GNAL: variants seen among roughly 807,000 people sequenced by gnomAD.
GNAL encodes the protein G protein subunit alpha L.
Under a neutral mutation model 55.1 loss-of-function variants are expected in GNAL, and 18 were observed. The observed-to-expected ratio is 0.33, with a 90% CI of 0.23 to 0.48. The LOEUF (loss-of-function observed/expected upper bound fraction) is 0.48, where lower values mean the gene tolerates loss of function less well. GNAL is among the 20% of genes least tolerant of loss of function. The pLI is 0.99. For missense variants in GNAL, 412 were observed against 614.1 expected, an observed-to-expected ratio of 0.67 and a Z score of 3.48; for synonymous variants, 253 against 237.0, an observed-to-expected ratio of 1.07 and a Z score of -0.62.
At position 11,689,673 on chromosome 18, in the gene GNAL, C is replaced by A; in HGVS notation, c.110C>A (p.Ala37Asp). Reference protein sequence around the residue: ...VEDAQPAPAPALAPVRAAARD... With the variant: ...VEDAQPAPAPDLAPVRAAARD... ...GACGCGCAGCCCGCCCCGGCCCCGGCCCTGGCCCCAGTCCGGGCGGCCGCA... is the reference window on the plus strand; with the variant it reads ...GACGCGCAGCCCGCCCCGGCCCCGGACCTGGCCCCAGTCCGGGCGGCCGCA... Residue 37 changes from alanine (A) to aspartate (D), a missense_variant, in exon 1 of 12, where the codon GCC becomes GAC. Coordinates refer to ENST00000334049, the MANE Select transcript of GNAL (RefSeq NM_182978.4). 6.9e-7 allele frequency: 1 copy of A among 1,452,284 alleles called. No homozygotes were observed. The highest frequency in any genetic ancestry group is 9.0e-7 in the Non-Finnish European group (1 of 1,111,182). The allele number at this position is 1,452,284 out of a possible 1,614,324, so 90.0% of individuals were successfully genotyped here.
intron 1 of GNAL, among the ~76,000 whole-genome samples, chr18:11,725,027 A>C (rs2032182365): frequency 6.6e-6 from 1 of 152,200 alleles, no homozygotes; most frequent in South Asian, 2.1e-4. Context: ...CAGCTTGCAC[A>C]GCAGCCTGGA....
chr18:11,883,363 C>CTGTT lies in GNAL; in HGVS notation c.*2229_*2232dup, dbSNP rs1555618569. The CTGTT allele has an allele frequency of 1.3e-5, 2 of 153,314 alleles. No homozygotes were observed. The highest frequency in any genetic ancestry group is 1.9e-4 in the East Asian group (1 of 5,180). The allele number at this position is 153,314 out of a possible 1,614,324, so 9.5% of individuals were successfully genotyped here. A position where few individuals can be genotyped will look rare whatever the true frequency, so the allele number is the denominator to read the frequency against. On this transcript the variant is annotated 3_prime_UTR_variant, in exon 12 of 12. Transcript: ENST00000334049. The stretch of plus-strand genomic sequence containing the variant: ...ACCCCCAGCAAGAAAGGGAAGTATG[C>CTGTT]TGTTGTATGCATCATTACTCAACAA...
Position 11,696,026 on chromosome 18 carries a change from TAATG to T in GNAL, c.376+6090_376+6093del, listed in dbSNP as rs569167944. On this transcript the variant is annotated intron_variant, in intron 1 of 11. Coordinates refer to ENST00000334049, the MANE Select transcript of GNAL (RefSeq NM_182978.4). ...TTTTTTCCCAAGTAAATGTCTTTCT[TAATG>T]AAGGCAGAAGTGACCAAGGAAAGAC... Among the ~76,000 whole-genome samples the T allele has an allele frequency of 1.5e-3, 234 of 152,296 alleles. 1 individual carries two copies. The highest frequency in any genetic ancestry group is 5.4e-3 in the African/African-American group (226 of 41,574).
At chr18:11,770,243 CTG>C (rs1299047577) in intron 4 of GNAL, among the ~76,000 whole-genome samples, 1 of 151,864 alleles carries the variant, frequency 6.6e-6, no homozygotes, top group Non-Finnish European at 1.5e-5. Context: ...TGAATTCAAA[CTG>C]AGTATGATTT....
Position 11,788,956 on chromosome 18 carries a change from G to GT in GNAL, c.624+35017dup, listed in dbSNP as rs1246239099. 4.2e-4 allele frequency among the ~76,000 whole-genome samples: 53 copies of GT among 125,164 alleles called. 3 individuals are homozygous for GT. Among genetic ancestry groups the GT allele is most frequent in the African/African-American group, 1.5e-3 (49 of 32,884 alleles). 82.1% of individuals were successfully genotyped at this position (125,164 alleles called of 152,430 possible). On this transcript the variant is annotated intron_variant, in intron 4 of 11. Coordinates refer to ENST00000334049, the MANE Select transcript of GNAL (RefSeq NM_182978.4). ...ATATATACACATATATATCAAAAGTGTTTTTTCTTAAAAATAGAATGTGTA... is the reference window on the plus strand; with the variant it reads ...ATATATACACATATATATCAAAAGTGTTTTTTTCTTAAAAATAGAATGTGTA...
intron 4 of GNAL, among the ~76,000 whole-genome samples, chr18:11,763,237 A>T (rs973507801): frequency 6.6e-6 from 1 of 151,974 alleles, no homozygotes; most frequent in Admixed American, 6.6e-5. Flanking sequence ...TCATGCTCTC[A>T]CTCTCTCTAC....
chr18:11,852,206 C>T (rs2035890963), intron 5 of GNAL: 30 of 1,396,610 alleles, frequency 2.1e-5, no homozygotes, highest in Non-Finnish European at 2.7e-5. Flanking sequence ...ACTCTGAACA[C>T]GCCAGAATGC....
intron 1 of GNAL, among the ~76,000 whole-genome samples, chr18:11,705,470 C>G (rs1281432262): frequency 6.6e-6 from 1 of 151,992 alleles, no homozygotes; most frequent in Non-Finnish European, 1.5e-5. Flanking sequence ...GAATATATAC[C>G]CAGAAGTGGG....
chr18:11,717,296 TC>T (rs2031994620), intron 1 of GNAL, among the ~76,000 whole-genome samples: 1 of 151,908 alleles, frequency 6.6e-6, no homozygotes, highest in Admixed American at 6.5e-5. Context: ...CCTCCACACC[TC>T]CCCGCAAGCT....
chr18:11,880,398 G>A (rs1043454280), intron 11 of GNAL, among the ~76,000 whole-genome samples: 15 of 151,686 alleles, frequency 9.9e-5, no homozygotes, highest in Admixed American at 2.0e-4. Context: ...GTGACACCCC[G>A]TCTCTACTAA....
intron 4 of GNAL, among the ~76,000 whole-genome samples, chr18:11,789,743 C>T (rs932155543): frequency 5.9e-5 from 9 of 152,212 alleles, no homozygotes; most frequent in African/African-American, 2.2e-4. Context: ...TAGGTGGACA[C>T]AGAGTCTTAC....
chr18:11,741,760 A>G (rs1427843987), intron 1 of GNAL, among the ~76,000 whole-genome samples: 1 of 152,198 alleles, frequency 6.6e-6, no homozygotes, highest in African/African-American at 2.4e-5. Context: ...AAATGTGTCT[A>G]AGAACAAGGA....
chr18:11,720,846 G>C (rs1253396554), intron 1 of GNAL, among the ~76,000 whole-genome samples: 1 of 152,194 alleles, frequency 6.6e-6, no homozygotes. Flanking sequence ...CCTTTTGACA[G>C]CACAGGAAGT....
At position 11,883,360 on chromosome 18, in the gene GNAL, AT is replaced by A. The variant is rs1304957415; in HGVS notation, c.*2226del. On this transcript the variant is annotated 3_prime_UTR_variant, in exon 12 of 12. Transcript: ENST00000334049. ...TGCACCCCCAGCAAGAAAGGGAAGTATGCTGTTGTATGCATCATTACTCAAC... is the reference window on the plus strand; with the variant it reads ...TGCACCCCCAGCAAGAAAGGGAAGTAGCTGTTGTATGCATCATTACTCAAC... 6.5e-6 allele frequency: 1 copy of A among 153,250 alleles called. No homozygotes were observed. The highest frequency in any genetic ancestry group is 1.5e-5 in the Non-Finnish European group (1 of 68,034). 9.5% of individuals were successfully genotyped at this position (153,250 alleles called of 1,614,324 possible).
At chr18:11,846,891 T>C (rs1187090205) in intron 5 of GNAL, among the ~76,000 whole-genome samples, 2 of 152,138 alleles carry the variant, frequency 1.3e-5, no homozygotes, top group Non-Finnish European at 2.9e-5. Flanking sequence ...ACAGTGACTT[T>C]GAAATTTCCC....
chr18:11,751,605 GGC>G lies in GNAL; in HGVS notation c.377-1241_377-1240del, dbSNP rs2032831109. 1 of 985,500 alleles carries G rather than the reference GGC, an allele frequency of 1.0e-6. No homozygotes were observed. 61.0% of individuals were successfully genotyped at this position (985,500 alleles called of 1,614,324 possible). The stretch of plus-strand genomic sequence containing the variant: ...CAGGGACGCGTCCGAGCCAACACGG[GGC>G]GCGCGCCCAGACGCACTTTCCCGGC... On this transcript the variant is annotated intron_variant, in intron 1 of 11. Coordinates refer to ENST00000334049, the MANE Select transcript of GNAL (RefSeq NM_182978.4). This position sits in a 1 kb window ranked among gnomAD's most constrained non-coding sequence, Gnocchi z 4.5.
chr18:11,782,998 C>T (rs2033961950), intron 4 of GNAL, among the ~76,000 whole-genome samples: 1 of 152,236 alleles, frequency 6.6e-6, no homozygotes, highest in Admixed American at 6.5e-5. Flanking sequence ...ATAAGCCAGA[C>T]TCTGACTACG....
intron 4 of GNAL, among the ~76,000 whole-genome samples, chr18:11,769,583 C>T (rs1037456568): frequency 6.6e-6 from 1 of 152,140 alleles, no homozygotes; most frequent in Non-Finnish European, 1.5e-5. Flanking sequence ...AAAGTGAATC[C>T]ACAGTTGTGG....
intron 11 of GNAL, among the ~76,000 whole-genome samples, chr18:11,879,398 G>A (rs594853): frequency 0.46 from 70,074 of 151,706 alleles, 16,612 homozygotes; most frequent in Middle Eastern, 0.57. Flanking sequence ...AAGTCTGCCC[G>A]GGCTGCCATA....
Sources: allele counts gnomAD v4.1 joint callset (sites outside exome capture counted in the v4.1 genomes callset), GRCh38; gene constraint gnomAD v4.1.1; non-coding constraint Gnocchi (gnomAD v3.1); transcripts MANE v1.5; gene names NCBI Gene and HGNC (gene_info 2026-07-23, HGNC 2026-07-21).